The following CLYBL variants were observed in gnomAD, a reference collection of about 807,000 sequenced individuals.
The protein encoded by CLYBL is citramalyl-CoA lyase.
A neutral mutation model predicts 38.9 loss-of-function variants in CLYBL; 31 were observed. The observed-to-expected ratio is 0.80, with a 90% CI of 0.60 to 1.08. The LOEUF is 1.08. Ranked by LOEUF, CLYBL falls within the 50% of genes least tolerant of loss-of-function variation. The pLI is 0.00. For missense variants in CLYBL, 434 were observed against 411.6 expected, an observed-to-expected ratio of 1.05 and a Z score of -0.47; for synonymous variants, 171 against 158.6, an observed-to-expected ratio of 1.08 and a Z score of -0.59.
At chr13:99,886,936 T>G (rs962105591) in intron 7 of CLYBL, among the ~76,000 whole-genome samples, 1 of 152,226 alleles carries the variant, frequency 6.6e-6, no homozygotes, top group African/African-American at 2.4e-5. Context: ...ACAAGGGAGC[T>G]GCTCGGTCCA....
chr13:99,883,441 C>A (rs998765515), intron 7 of CLYBL, among the ~76,000 whole-genome samples: 2 of 151,420 alleles, frequency 1.3e-5, no homozygotes, highest in Admixed American at 6.6e-5. Context: ...ATCGTTTGAA[C>A]CAGGGAGGCA....
chr13:99,720,954 C>T (rs10083293), intron 1 of CLYBL, among the ~76,000 whole-genome samples: 5,790 of 151,812 alleles, frequency 0.038, 131 homozygotes, highest in Middle Eastern at 0.1. Flanking sequence ...CTCATGTTCC[C>T]TCGTTTCTTA....
chr13:99,857,363 T>C (rs2051485270), intron 2 of CLYBL, among the ~76,000 whole-genome samples: 1 of 152,072 alleles, frequency 6.6e-6, no homozygotes, highest in African/African-American at 2.4e-5. Flanking sequence ...AAAGAATGCA[T>C]GGTAGAGCAA....
In CLYBL at chr13:99,845,362, G is replaced by A. The variant is rs115058471; in HGVS notation, c.250-13499G>A. ...TGCAGGGCGCCTGGCTCAACGGCAC[G>A]GGAAATTAACCTGCTTGTTCTCACG... On this transcript the variant is annotated intron_variant, in intron 2 of 8. Transcript: ENST00000339105. 4.5e-3 allele frequency among the ~76,000 whole-genome samples: 683 copies of A among 152,248 alleles called. 8 individuals carry two copies. Among genetic ancestry groups the A allele is most frequent in the African/African-American group, 0.015 (643 of 41,530 alleles).
intron 1 of CLYBL, among the ~76,000 whole-genome samples, chr13:99,629,779 G>A (rs567028406): frequency 3.3e-5 from 5 of 152,292 alleles, no homozygotes; most frequent in South Asian, 2.1e-4. Context: ...ACCACTGCAC[G>A]CTCTGGTCCC....
chr13:99,796,936 G>A (rs1237547880), intron 2 of CLYBL, among the ~76,000 whole-genome samples: 1 of 152,196 alleles, frequency 6.6e-6, no homozygotes, highest in Non-Finnish European at 1.5e-5. Context: ...GCTTTGTGAA[G>A]AGGGTGCCAT....
At chr13:99,809,776 T>C (rs1400497566) in intron 2 of CLYBL, among the ~76,000 whole-genome samples, 5 of 152,258 alleles carry the variant, frequency 3.3e-5, no homozygotes, top group Admixed American at 3.3e-4. Context: ...CCTCAGAGTC[T>C]GCTGACATTA....
At chr13:99,821,235 G>T (rs528534113) in intron 2 of CLYBL, among the ~76,000 whole-genome samples, 1 of 152,098 alleles carries the variant, frequency 6.6e-6, no homozygotes, top group South Asian at 2.1e-4. Flanking sequence ...TCAGGAATGG[G>T]TTAGATTTTT....
At chr13:99,719,429 C>T (rs891706545) in intron 1 of CLYBL, among the ~76,000 whole-genome samples, 5 of 150,990 alleles carry the variant, frequency 3.3e-5, no homozygotes, top group Non-Finnish European at 5.9e-5. Flanking sequence ...TGGGATTAGG[C>T]GTGAGCCACC....
rs142791399 is a variant in CLYBL at position 99,784,636 on chromosome 13, G to A, written c.249+11626G>A. ...GGCCCAGCTAATTTTTGTATTTTTA[G>A]TAGAGACAGGTTTCACCATGTTGGC... On this transcript the variant is annotated intron_variant, in intron 2 of 8. Coordinates refer to ENST00000339105, the MANE Select transcript of CLYBL (RefSeq NM_206808.5). Among the ~76,000 whole-genome samples the A allele has an allele frequency of 8.6e-3, 1,299 of 151,764 alleles. 6 individuals carry two copies. The highest frequency in any genetic ancestry group is 0.012 in the Non-Finnish European group (835 of 67,868).
At chr13:99,863,239 A>C in intron 4 of CLYBL, 147 bp downstream of exon 4, 1 of 461,446 alleles carries the variant, frequency 2.2e-6, no homozygotes, top group Non-Finnish European at 3.8e-6. Flanking sequence ...TGTTATCTGT[A>C]ATAGTCCAAA....
chr13:99,829,256 T>C (rs575374778), intron 2 of CLYBL, among the ~76,000 whole-genome samples: 16 of 152,336 alleles, frequency 1.1e-4, no homozygotes, highest in Admixed American at 8.5e-4. Context: ...AAGGTAGGAA[T>C]CTTGCAGATG....
intron 9 of CLYBL, among the ~76,000 whole-genome samples, chr13:99,907,042 G>A (rs2052705027): frequency 6.6e-6 from 1 of 152,186 alleles, no homozygotes; most frequent in Admixed American, 6.5e-5. Flanking sequence ...AATTACAGAG[G>A]TATGGCTAAG....
At chr13:99,777,515 A>C (rs1311615359) in intron 2 of CLYBL, among the ~76,000 whole-genome samples, 1 of 147,260 alleles carries the variant, frequency 6.8e-6, no homozygotes, top group African/African-American at 2.5e-5. Flanking sequence ...TTTTTGAGAC[A>C]GAGTTTTGCT....
intron 7 of CLYBL, among the ~76,000 whole-genome samples, chr13:99,880,196 TA>T (rs1270559096): frequency 7.6e-4 from 115 of 151,372 alleles, no homozygotes; most frequent in African/African-American, 2.7e-3. Context: ...GCCTCCCGAG[TA>T]GCTGGGATTA....
chr13:99,659,216 G>A (rs7328182), intron 1 of CLYBL, among the ~76,000 whole-genome samples: 4,272 of 148,756 alleles, frequency 0.029, 199 homozygotes, highest in African/African-American at 0.1. Flanking sequence ...GTGTGTGTGT[G>A]TATATATATA....
chr13:99,658,514 C>G (rs555165022), intron 1 of CLYBL, among the ~76,000 whole-genome samples: 1 of 152,176 alleles, frequency 6.6e-6, no homozygotes, highest in African/African-American at 2.4e-5. Flanking sequence ...CCCTCTCCCC[C>G]ACGCCGGCCT....
intron 2 of CLYBL, among the ~76,000 whole-genome samples, chr13:99,790,838 C>T (rs914282589): frequency 6.6e-6 from 1 of 152,178 alleles, no homozygotes; most frequent in Non-Finnish European, 1.5e-5. Context: ...CCCTTGTGAT[C>T]AGTGTCCTGT....
At chr13:99,681,923 T>C (rs1367467741) in intron 1 of CLYBL, among the ~76,000 whole-genome samples, 1 of 152,144 alleles carries the variant, frequency 6.6e-6, no homozygotes, top group African/African-American at 2.4e-5. Context: ...ATTACAGTCA[T>C]GTGTCACTTA....
Sources: allele counts gnomAD v4.1 joint callset (sites outside exome capture counted in the v4.1 genomes callset), GRCh38; gene constraint gnomAD v4.1.1; transcripts MANE v1.5; gene names NCBI Gene and HGNC (gene_info 2026-07-23, HGNC 2026-07-21).